TMEM131L: variants seen among roughly 807,000 people sequenced by gnomAD.
The protein encoded by TMEM131L is transmembrane 131 like.
A neutral mutation model predicts 192.2 loss-of-function variants in TMEM131L; 54 were observed. The observed-to-expected ratio is 0.28, with a 90% confidence interval of 0.23 to 0.35. The LOEUF (loss-of-function observed/expected upper bound fraction) is 0.35, where lower values mean the gene tolerates loss of function less well. Ranked by LOEUF, TMEM131L falls within the 10% of genes least tolerant of loss-of-function variation. The pLI is 1.00. For missense variants in TMEM131L, 1,888 were observed against 1,972.9 expected (o/e 0.96, Z 0.82); for synonymous variants, 701 against 704.9 (o/e 0.99, Z 0.09).
At chr4:153,497,857 CTTTT>C (rs1331244471) in intron 3 of TMEM131L, among the ~76,000 whole-genome samples, 17 of 34,564 alleles carry the variant, frequency 4.9e-4, no homozygotes, top group Non-Finnish European at 3.1e-4. Context: ...TCTTTTTTTT[CTTTT>C]TGTTATGAAA....
chr4:153,542,442 A>G (rs1301292983), intron 3 of TMEM131L, among the ~76,000 whole-genome samples: 1 of 152,286 alleles, frequency 6.6e-6, no homozygotes, highest in Middle Eastern at 3.4e-3. Flanking sequence ...AGGTGGAGGC[A>G]GTGTAGTGAA....
Position 153,583,591 on chromosome 4 carries a change from G to C in TMEM131L, c.979G>C (p.Ala327Pro). The C allele has an allele frequency of 6.2e-7, 1 of 1,611,082 alleles. No homozygotes were observed. Among genetic ancestry groups the C allele is most frequent in the Non-Finnish European group, 8.5e-7 (1 of 1,178,208 alleles). ...QDIRHFSQRDALSLQFEPVLL... is the reference protein window; with the variant it reads ...QDIRHFSQRDPLSLQFEPVLL... ...TATACGCCATTTCTCACAGAGAGAT[G>C]CTCTGTCTCTGCAGTTTGAACCAGT... The change falls in exon 11 of 35, where the codon GCT (alanine) becomes CCT (proline). Residue 327 changes from alanine to proline, a missense_variant. By Grantham distance (27) the Ala-to-Pro change is conservative (BLOSUM62 -1). Transcript: ENST00000409959.
intron 10 of TMEM131L, 39 bp downstream of exon 10, chr4:153,583,287 G>C (rs769210901): frequency 2.0e-6 from 2 of 1,015,582 alleles, no homozygotes; most frequent in Admixed American, 3.6e-5. Flanking sequence ...TTTTAAAATT[G>C]CAAGTGTGCA....
Position 153,555,094 on chromosome 4 carries a change from A to G in TMEM131L, c.309-693A>G, listed in dbSNP as rs1325801474. Among the ~76,000 whole-genome samples the G allele has an allele frequency of 6.6e-6, 1 of 152,224 alleles. No homozygotes were observed. Among genetic ancestry groups the G allele is most frequent in the Admixed American group, 6.5e-5 (1 of 15,280 alleles). On this transcript the variant is annotated intron_variant, in intron 4 of 34. Transcript: ENST00000409959. This position sits in a 1 kb window ranked among gnomAD's most constrained non-coding sequence, Gnocchi z 4.1. ...GGAGGGAAGAGCCAGAGCTTTCATC[A>G]GAGTTTTTGGAAAGGCTCATAATTT... is the stretch of plus-strand genomic sequence containing the variant.
chr4:153,547,726 C>T (rs1737292983), intron 3 of TMEM131L, among the ~76,000 whole-genome samples: 1 of 152,238 alleles, frequency 6.6e-6, no homozygotes, highest in African/African-American at 2.4e-5. Context: ...GCAGGCCAGA[C>T]TGCATCGGTT....
intron 28 of TMEM131L, 38 bp downstream of exon 28, chr4:153,621,887 G>T: frequency 6.3e-7 from 1 of 1,599,936 alleles, no homozygotes; most frequent in South Asian, 1.1e-5. Flanking sequence ...GTGCTTCTGT[G>T]GGAATTTTTG....
intron 5 of TMEM131L, 97 bp downstream of exon 5, chr4:153,556,007 C>T (rs1343638666): frequency 1.6e-6 from 2 of 1,241,822 alleles, no homozygotes; most frequent in Non-Finnish European, 2.2e-6. Flanking sequence ...CTCCCTGTCT[C>T]CCGCTTTTTC....
At chr4:153,513,706 GTGTT>G (rs1363076567) in intron 3 of TMEM131L, among the ~76,000 whole-genome samples, 1 of 152,196 alleles carries the variant, frequency 6.6e-6, no homozygotes, top group Non-Finnish European at 1.5e-5. Context: ...CAAGGATAAT[GTGTT>G]TGATGCTTCA....
At chr4:153,488,988 C>A (rs892651383) in intron 3 of TMEM131L, among the ~76,000 whole-genome samples, 1 of 152,178 alleles carries the variant, frequency 6.6e-6, no homozygotes, top group East Asian at 1.9e-4. Context: ...CAGGGGCCCA[C>A]CCTACTCCAG....
intron 7 of TMEM131L, among the ~76,000 whole-genome samples, chr4:153,573,885 T>C (rs1018762540): frequency 6.6e-6 from 1 of 152,220 alleles, no homozygotes; most frequent in Non-Finnish European, 1.5e-5. Flanking sequence ...CTAAATTATT[T>C]GTTGTGGAAT....
At chr4:153,573,120 G>A (rs996597102) in intron 7 of TMEM131L, among the ~76,000 whole-genome samples, 2 of 152,204 alleles carry the variant, frequency 1.3e-5, no homozygotes, top group African/African-American at 2.4e-5. Flanking sequence ...GCATTTATGA[G>A]TAGTCTTGCC....
intron 34 of TMEM131L, 45 bp from the exon 35 acceptor site, chr4:153,636,256 T>G: frequency 6.4e-7 from 1 of 1,568,166 alleles, no homozygotes; most frequent in South Asian, 1.2e-5. Flanking sequence ...TCTAAGGCTT[T>G]TTTTTTTCTT....
chr4:153,583,231 A>G lies in TMEM131L; in HGVS notation c.934A>G (p.Ser312Gly), dbSNP rs1281623694. The change falls in exon 10 of 35, where the codon AGC becomes GGC. Residue 312 changes from serine to glycine, a missense_variant. Coordinates refer to ENST00000409959, the MANE Select transcript of TMEM131L (RefSeq NM_001131007.2). ...TATGTATATATTACATTCAGGAAAC[A>G]GCCTTATATGGATACAGGTAATTGT... ...VNMYILHSGN[S>G]LIWIQDIRHF... is the part of the protein sequence containing the mutation. The G allele has an allele frequency of 3.4e-6, 5 of 1,450,434 alleles. No homozygotes were observed. Among genetic ancestry groups the G allele is most frequent in the Non-Finnish European group, 4.8e-6 (5 of 1,031,226 alleles). The allele number at this position is 1,450,434 out of a possible 1,614,324, so 89.8% of individuals were successfully genotyped here.
At chr4:153,545,198 T>C (rs563284267) in intron 3 of TMEM131L, among the ~76,000 whole-genome samples, 5 of 152,150 alleles carry the variant, frequency 3.3e-5, no homozygotes, top group African/African-American at 9.7e-5. Context: ...ACTGAATCCC[T>C]GTGTCACATT....
At chr4:153,521,635 T>C (rs1006014803) in intron 3 of TMEM131L, among the ~76,000 whole-genome samples, 3 of 152,132 alleles carry the variant, frequency 2.0e-5, no homozygotes, top group Non-Finnish European at 2.9e-5. Context: ...CCAGAAATCT[T>C]TTCATCTTGT....
chr4:153,562,436 C>T (rs1728909038), intron 7 of TMEM131L, among the ~76,000 whole-genome samples: 2 of 152,176 alleles, frequency 1.3e-5, no homozygotes, highest in South Asian at 4.1e-4. Flanking sequence ...AAAATCTTGA[C>T]TATAATATTT....
intron 6 of TMEM131L, among the ~76,000 whole-genome samples, chr4:153,557,970 C>T (rs1164435680): frequency 6.6e-6 from 1 of 152,138 alleles, no homozygotes; most frequent in Non-Finnish European, 1.5e-5. Context: ...AGGCTTTCAC[C>T]ATGTTGGCCA....
chr4:153,620,444 A>T (rs890424555), intron 26 of TMEM131L, among the ~76,000 whole-genome samples: 4 of 152,222 alleles, frequency 2.6e-5, no homozygotes, highest in African/African-American at 9.7e-5. Context: ...CCAAATTAAC[A>T]GGTGAAGGTT....
At chr4:153,591,702 T>A (rs1731078504) in intron 17 of TMEM131L, among the ~76,000 whole-genome samples, 1 of 152,212 alleles carries the variant, frequency 6.6e-6, no homozygotes, top group Non-Finnish European at 1.5e-5. Flanking sequence ...GGCTAAGAAC[T>A]CTATACCACA....
Sources: allele counts gnomAD v4.1 joint callset (sites outside exome capture counted in the v4.1 genomes callset), GRCh38; gene constraint gnomAD v4.1.1; non-coding constraint Gnocchi (gnomAD v3.1); transcripts MANE v1.5; gene names NCBI Gene and HGNC (gene_info 2026-07-23, HGNC 2026-07-21).